The following SLC36A4 variants were observed in gnomAD, a reference collection of about 807,000 sequenced individuals.
SLC36A4 encodes neutral amino acid uniporter 4.
In SLC36A4, 49 loss-of-function variants were observed where a neutral mutation model predicts 50.5. The observed-to-expected ratio is 0.97, with a 90% CI of 0.77 to 1.23. The LOEUF is 1.23. Among genes scored for constraint, SLC36A4 ranks in the 50% most tolerant of loss-of-function variants. The pLI is 0.00. For synonymous variants in SLC36A4, 207 were observed against 206.5 expected (o/e 1.00, Z -0.02); for missense variants, 611 against 608.4 (o/e 1.00, Z -0.05).
At chr11:93,176,148 T>A (rs1400425327) in intron 6 of SLC36A4, among the ~76,000 whole-genome samples, 10 of 151,506 alleles carry the variant, frequency 6.6e-5, no homozygotes, top group Admixed American at 4.6e-4. Flanking sequence ...TGGGTGCATA[T>A]ATATTTAGGA....
At chr11:93,163,502 C>G (rs1355342403) in intron 8 of SLC36A4, among the ~76,000 whole-genome samples, 1 of 152,104 alleles carries the variant, frequency 6.6e-6, no homozygotes, top group East Asian at 1.9e-4. Flanking sequence ...TTTCTCATGA[C>G]TGGACTGGTA....
chr11:93,185,869 C>A, intron 1 of SLC36A4, 55 bp from the exon 2 acceptor site: 3 of 1,479,524 alleles, frequency 2.0e-6, no homozygotes, highest in Non-Finnish European at 2.7e-6. Context: ...TTGGATAAAG[C>A]TGGTATAAAT....
At position 93,154,249 on chromosome 11, in the gene SLC36A4, A is replaced by G; in HGVS notation, c.1066T>C (p.Ser356Pro). Residue 356 changes from serine (S) to proline (P), a missense_variant, in exon 10 of 11, where the codon TCC becomes CCC. By Grantham distance (74) the Ser-to-Pro change is moderately conservative (BLOSUM62 -1). Coordinates refer to ENST00000326402, the MANE Select transcript of SLC36A4 (RefSeq NM_152313.4). Reference protein sequence around the residue: ...WLYQSVKILYSFGIFVTYSIQ... With the variant: ...WLYQSVKILYPFGIFVTYSIQ... ...GAATATGTCACAAAAATGCCAAAGG[A>G]ATATAGAATTTTCACTGATTGATAT... The G allele has an allele frequency of 6.8e-7, 1 of 1,461,578 alleles. No individual in the cohort carries two copies. The highest frequency in any genetic ancestry group is 9.1e-7 in the Non-Finnish European group (1 of 1,100,748). The allele number at this position is 1,461,578 out of a possible 1,614,324, so 90.5% of individuals were successfully genotyped here.
intron 1 of SLC36A4, chr11:93,192,936 A>G (rs879883566): frequency 3.9e-5 from 6 of 153,802 alleles, no homozygotes; most frequent in Non-Finnish European, 7.2e-5. Context: ...GATAATGTAT[A>G]TGAAGTTATT....
intron 6 of SLC36A4, among the ~76,000 whole-genome samples, chr11:93,179,563 C>G (rs992734354): frequency 3.3e-5 from 5 of 152,064 alleles, no homozygotes; most frequent in African/African-American, 1.2e-4. Flanking sequence ...CAGATATAAA[C>G]AAAACTTTTC....
At chr11:93,163,071 C>T (rs1860704030) in intron 8 of SLC36A4, among the ~76,000 whole-genome samples, 196 bp from the exon 9 acceptor site, 1 of 151,856 alleles carries the variant, frequency 6.6e-6, no homozygotes, top group Admixed American at 6.6e-5. Flanking sequence ...AAGATTTAAA[C>T]TCATCTCTTG....
At chr11:93,180,585 G>A (rs1861691731) in intron 6 of SLC36A4, among the ~76,000 whole-genome samples, 1 of 151,910 alleles carries the variant, frequency 6.6e-6, no homozygotes. Context: ...GAAAAAACAA[G>A]CATTATCAGT....
At chr11:93,180,737 T>G in intron 6 of SLC36A4, 60 bp downstream of exon 6, 1 of 1,128,730 alleles carries the variant, frequency 8.9e-7, no homozygotes, top group East Asian at 2.4e-5. Context: ...AGAAGATATA[T>G]GAAGCCATAA....
In SLC36A4 at chr11:93,148,678, G is replaced by C. The variant is rs1859940716; in HGVS notation, c.1374C>G (p.Phe458Leu). Residue 458 changes from phenylalanine to leucine, a missense_variant, in exon 11 of 11, where the codon TTC becomes TTG. By Grantham distance (22) the Phe-to-Leu change is conservative. Transcript: ENST00000326402. ...WMVLKNISIA[F>L]TGVVGFLLGT... ...CTAATAAGAAGCCAACAACTCCAGT[G>C]AATGCTATAGAAATATTTTTCAGGA... 1.2e-6 allele frequency: 2 copies of C among 1,612,700 alleles called. No homozygotes were observed. Among genetic ancestry groups the C allele is most frequent in the South Asian group, 1.1e-5 (1 of 91,056 alleles).
intron 6 of SLC36A4, 39 bp from the exon 7 acceptor site, chr11:93,168,210 A>G (rs957360001): frequency 8.1e-7 from 1 of 1,233,758 alleles, no homozygotes; most frequent in Non-Finnish European, 1.2e-6. Flanking sequence ...AGGGGGAAAA[A>G]CTTCCATCAA....
intron 7 of SLC36A4, chr11:93,166,362 T>TGGTGACTCTCAAATGTCTAA: frequency 9.9e-7 from 1 of 1,005,126 alleles, no homozygotes; most frequent in East Asian, 9.9e-5. Context: ...CTGAGAGCCA[T>TGGTGACTCTCAAATGTCTAA]ATAGTCAAGT....
intron 6 of SLC36A4, chr11:93,170,316 A>G (rs956308237): frequency 2.0e-5 from 3 of 152,104 alleles, no homozygotes; most frequent in African/African-American, 7.2e-5. Context: ...CTTTTCAATG[A>G]TTCTGTAATT....
At chr11:93,183,050 A>G (rs1861805352) in intron 3 of SLC36A4, among the ~76,000 whole-genome samples, 156 bp from the exon 4 acceptor site, 2 of 152,208 alleles carry the variant, frequency 1.3e-5, no homozygotes. Flanking sequence ...AACTTGATGC[A>G]GAAGGAATTT....
At chr11:93,171,807 C>G (rs758824750) in intron 6 of SLC36A4, 2 of 151,970 alleles carry the variant, frequency 1.3e-5, no homozygotes, top group African/African-American at 4.8e-5. Context: ...TAGGAATATG[C>G]AATTTGTAGA....
At chr11:93,149,751 T>C (rs147853309) in intron 10 of SLC36A4, among the ~76,000 whole-genome samples, 3 of 152,136 alleles carry the variant, frequency 2.0e-5, no homozygotes, top group Non-Finnish European at 4.4e-5. Context: ...GGACCATGGC[T>C]TATGTCCTGG....
At chr11:93,182,488 A>G (rs1162355116) in intron 4 of SLC36A4, among the ~76,000 whole-genome samples, 1 of 152,136 alleles carries the variant, frequency 6.6e-6, no homozygotes, top group African/African-American at 2.4e-5. Flanking sequence ...AAACAGAATT[A>G]CTAACACATT....
chr11:93,197,802 C>A lies in SLC36A4; in HGVS notation c.31G>T (p.Gly11Trp). MEAAATPAAA[G>W]AARREELDMD... is the part of the protein sequence containing the mutation. ...CCTAGCTCCTCGCGCCTCGCCGCCC[C>A]GGCAGCCGCCGGCGTCGCCGCCGCT... is the stretch of plus-strand genomic sequence containing the variant. Residue 11 changes from glycine to tryptophan, a missense_variant, in exon 1 of 11, where the codon GGG (glycine) becomes TGG (tryptophan). By Grantham distance (184) the Gly-to-Trp change is radical. Transcript: ENST00000326402. 1.3e-6 allele frequency: 2 copies of A among 1,583,686 alleles called. No homozygotes were observed. The highest frequency in any genetic ancestry group is 2.3e-5 in the East Asian group (1 of 42,820).
chr11:93,165,567 TTAA>T (rs1211906383), intron 8 of SLC36A4, among the ~76,000 whole-genome samples: 6 of 152,072 alleles, frequency 3.9e-5, no homozygotes, highest in African/African-American at 1.2e-4. Context: ...TGGCCTTGAG[TTAA>T]TAATTTTTGA....
intron 10 of SLC36A4, among the ~76,000 whole-genome samples, chr11:93,150,911 T>C (rs1860058451): frequency 6.6e-6 from 1 of 152,060 alleles, no homozygotes; most frequent in Non-Finnish European, 1.5e-5. Context: ...TTTTTCTTTG[T>C]TTATCTATAA....
Sources: gnomAD v4.1 joint callset for allele counts (sites outside exome capture counted in the v4.1 genomes callset) on GRCh38, gnomAD v4.1.1 for gene constraint, MANE v1.5 for transcripts, NCBI Gene and HGNC (gene_info 2026-07-23, HGNC 2026-07-21) for gene names.